TCF7: variants seen among roughly 807,000 people sequenced by gnomAD.
TCF7 encodes T-cell-factor-7.
TCF7 carries 19 observed loss-of-function variants against 46.8 expected under a neutral mutation model. That is an observed-to-expected ratio of 0.41 (90% CI 0.28 to 0.60). TCF7 has a LOEUF of 0.60. Among genes scored for constraint, TCF7 ranks in the 20% least tolerant of loss-of-function variants. The pLI, the probability that TCF7 is intolerant of heterozygous loss-of-function variation, is 0.35. For synonymous variants in TCF7, 245 were observed against 213.4 expected (o/e 1.15, Z -1.29); for missense variants, 547 against 504.6 (o/e 1.08, Z -0.81).
At chr5:134,123,683 C>T (rs1157789590) in intron 3 of TCF7, 1 of 456,064 alleles carries the variant, frequency 2.2e-6, no homozygotes, top group Non-Finnish European at 4.4e-6. Flanking sequence ...CAGCCTGTGA[C>T]CTTGGTGCTG....
At chr5:134,120,636 G>T (rs1438261914) in intron 3 of TCF7, among the ~76,000 whole-genome samples, 1 of 152,190 alleles carries the variant, frequency 6.6e-6, no homozygotes, top group African/African-American at 2.4e-5. Context: ...CCACCTTCTC[G>T]TTCCTCACTC....
At chr5:134,109,248 C>T in the TCF7 span, among the ~76,000 whole-genome samples, 3 of 152,150 alleles carry the variant, frequency 2.0e-5, no homozygotes, top group African/African-American at 4.8e-5. Flanking sequence ...TCTTAAAAAG[C>T]GATATTGAAT....
chr5:134,127,302 C>CA (rs1757471797), intron 3 of TCF7, among the ~76,000 whole-genome samples: 1 of 152,188 alleles, frequency 6.6e-6, no homozygotes, highest in Non-Finnish European at 1.5e-5. Context: ...CTCCCAGGGC[C>CA]AAAAGGGCTG....
At chr5:134,138,593 T>C (rs1382326808) in intron 4 of TCF7, 6 of 282,426 alleles carry the variant, frequency 2.1e-5, no homozygotes, top group Middle Eastern at 1.0e-3. Flanking sequence ...AGGTGGAGCC[T>C]TGGCTCCCCA....
chr5:134,127,135 C>T (rs999669916), intron 3 of TCF7, among the ~76,000 whole-genome samples: 3 of 152,134 alleles, frequency 2.0e-5, no homozygotes, highest in African/African-American at 7.2e-5. Flanking sequence ...GTGGTACCCC[C>T]AGCACACTGT....
upstream of TCF7, among the ~76,000 whole-genome samples, chr5:134,113,483 G>C (rs1367945972): frequency 6.6e-6 from 1 of 152,270 alleles, no homozygotes; most frequent in African/African-American, 2.4e-5. Context: ...CCGCTGCCAG[G>C]GGTCCTGTGG....
At chr5:134,143,309 C>T (rs1760153866) in intron 8 of TCF7, 1 of 763,882 alleles carries the variant, frequency 1.3e-6, no homozygotes. Context: ...CACACATGAG[C>T]TGTTACCCAA....
At chr5:134,145,454 A>T in intron 9 of TCF7, 1 of 555,566 alleles carries the variant, frequency 1.8e-6, no homozygotes. Context: ...CATGTGTTTC[A>T]CCATACAACA....
chr5:134,138,914 C>T, intron 4 of TCF7, 37 bp from the exon 5 acceptor site: 2 of 1,610,826 alleles, frequency 1.2e-6, no homozygotes, highest in South Asian at 1.1e-5. Context: ...CCTGCCAGGT[C>T]AGGCTAGCCC....
chr5:134,133,430 G>T (rs1022642726), intron 3 of TCF7, among the ~76,000 whole-genome samples: 3 of 152,122 alleles, frequency 2.0e-5, no homozygotes, highest in African/African-American at 7.2e-5. Context: ...AGGGGAGGGG[G>T]GCTTCAGTCA....
intron 3 of TCF7, among the ~76,000 whole-genome samples, chr5:134,129,381 A>G (rs948195796): frequency 2.0e-5 from 3 of 152,184 alleles, no homozygotes; most frequent in Admixed American, 6.5e-5. Context: ...CCCTACTGCC[A>G]AAGACAGCGG....
chr5:134,133,673 C>A (rs1758463944), intron 3 of TCF7, among the ~76,000 whole-genome samples: 1 of 152,134 alleles, frequency 6.6e-6, no homozygotes, highest in South Asian at 2.1e-4. Flanking sequence ...GAGGGACTGG[C>A]CAGGCCCTTG....
rs1580918509 is a variant in TCF7 at position 134,148,152 on chromosome 5, G to A, written c.*1849G>A. 6.5e-6 allele frequency: 1 copy of A among 152,690 alleles called. No homozygotes were observed. Among genetic ancestry groups the A allele is most frequent in the South Asian group, 2.1e-4 (1 of 4,828 alleles). 9.5% of individuals were successfully genotyped at this position (152,690 alleles called of 1,614,324 possible). A position where few individuals can be genotyped will look rare whatever the true frequency, so the allele number is the denominator to read the frequency against. On this transcript the variant is annotated 3_prime_UTR_variant, in exon 10 of 10. Coordinates refer to ENST00000342854, the MANE Select transcript of TCF7 (RefSeq NM_003202.5). ...GTAGTGTTCAAAATATTTTTGTATT[G>A]TTAATGCATCATCATAGAAAAACTT...
chr5:134,118,671 A>G (rs1756167517), intron 3 of TCF7, among the ~76,000 whole-genome samples: 1 of 152,244 alleles, frequency 6.6e-6, no homozygotes, highest in Non-Finnish European at 1.5e-5. Context: ...GGAAGAAAAA[A>G]TTAGGTCAAA....
chr5:134,143,528 C>T lies in TCF7; in HGVS notation c.1027-64C>T, dbSNP rs1017626105. On this transcript the variant is annotated intron_variant, in intron 8 of 9. Transcript: ENST00000342854. The stretch of plus-strand genomic sequence containing the variant: ...TCCCAGGGTTACCCAAGCTAGGCAG[C>T]AGGCTGTGGGTATCCCAATGTCTGC... 5.0e-6 allele frequency: 8 copies of T among 1,603,700 alleles called. No homozygotes were observed. In the South Asian group the frequency reaches 6.6e-5, roughly 13 times the overall value.
At chr5:134,120,709 C>T (rs115480134) in intron 3 of TCF7, among the ~76,000 whole-genome samples, 1,527 of 152,362 alleles carry the variant, frequency 0.01, 20 homozygotes, top group African/African-American at 0.033. Context: ...GTAGGACCCT[C>T]CTCATCCCTT....
intron 3 of TCF7, among the ~76,000 whole-genome samples, chr5:134,119,250 CT>C (rs1347358440): frequency 1.3e-5 from 2 of 152,116 alleles, no homozygotes; most frequent in Non-Finnish European, 2.9e-5. Context: ...GATGCCGAGC[CT>C]TTTGCCATTT....
intron 3 of TCF7, chr5:134,137,848 G>A: frequency 2.4e-6 from 1 of 419,034 alleles, no homozygotes. Flanking sequence ...AGACCAAGAG[G>A]CTTTCTAGGG....
rs1000422164 is a variant in TCF7, at chr5:134,115,093, G to A, written c.187G>A (p.Ala63Thr). ...GCTCGTGAACGAGTCCGAGGGCGCG[G>A]CCGGCGGCGCAGGGATCCCGGGGGT... ...SSLVNESEGA[A>T]GGAGIPGVPG... Residue 63 changes from alanine to threonine, a missense_variant, in exon 1 of 10, where the codon GCC becomes ACC. Around this residue, in one of 3 missense-constraint regions of TCF7, gnomAD observed 425 missense variants for 349.9 expected, o/e 1.21. Coordinates refer to ENST00000342854, the MANE Select transcript of TCF7 (RefSeq NM_003202.5). The A allele has an allele frequency of 3.2e-5, 35 of 1,091,024 alleles. No homozygotes were observed. Among genetic ancestry groups the A allele is most frequent in the Non-Finnish European group, 3.5e-5 (31 of 885,566 alleles). The allele number at this position is 1,091,024 out of a possible 1,614,324, so 67.6% of individuals were successfully genotyped here.
Sources: allele counts gnomAD v4.1 joint callset (sites outside exome capture counted in the v4.1 genomes callset), GRCh38; gene constraint gnomAD v4.1.1; regional missense constraint gnomAD v4.1.1; transcripts MANE v1.5; gene names NCBI Gene and HGNC (gene_info 2026-07-23, HGNC 2026-07-21).